Variants in FBF1 observed in about 807,000 individuals in gnomAD.
FBF1 encodes the protein Fas binding factor 1, also known as fas-binding factor 1.
A neutral mutation model predicts 147.2 loss-of-function variants in FBF1; 119 were observed. The observed-to-expected ratio is 0.81, with a 90% CI of 0.70 to 0.94. The LOEUF (loss-of-function observed/expected upper bound fraction) is 0.94, where lower values mean the gene tolerates loss of function less well. Among genes scored for constraint, FBF1 ranks in the 40% least tolerant of loss-of-function variants. The pLI is 0.00. For synonymous variants in FBF1, 601 were observed against 609.0 expected (o/e 0.99, Z 0.19); for missense variants, 1,449 against 1,500.8 (o/e 0.97, Z 0.57).
chr17:75,921,765 T>A (rs892456709), intron 15 of FBF1, among the ~76,000 whole-genome samples, 180 bp downstream of exon 15: 1 of 45,994 alleles, frequency 2.2e-5, no homozygotes. Context: ...GACACGGGGA[T>A]GGGGCAGGGT....
chr17:75,934,248 T>C (rs1193567688), intron 4 of FBF1, among the ~76,000 whole-genome samples: 1 of 152,176 alleles, frequency 6.6e-6, no homozygotes, highest in African/African-American at 2.4e-5. Context: ...GTGGATAAAC[T>C]TGGAAAATAT....
At chr17:75,917,066 C>A (rs978003794) in intron 23 of FBF1, among the ~76,000 whole-genome samples, 2 of 152,144 alleles carry the variant, frequency 1.3e-5, no homozygotes, top group Non-Finnish European at 2.9e-5. Flanking sequence ...AGGCTGGTCT[C>A]GAACTCCTGA....
Position 75,933,050 on chromosome 17 carries a change from T to TA in FBF1, c.111dup (p.Thr38TyrfsTer24), listed in dbSNP as rs765999038. 2.2e-5 allele frequency: 35 copies of TA among 1,608,022 alleles called. No individual in the cohort carries two copies. Among genetic ancestry groups the TA allele is most frequent in the Non-Finnish European group, 2.9e-5 (34 of 1,175,130 alleles). ...TGAGATACACCTGTGGTGTCTCTGG[T>TA]ATGTGAAGCTAGTTTAACAGGCTTC... On this transcript the variant is annotated frameshift_variant, in exon 5 of 30. Coordinates refer to ENST00000636174, the MANE Select transcript of FBF1 (RefSeq NM_001319193.2). LOFTEE classifies it high-confidence loss of function.
At chr17:75,935,124 C>G (rs571657555) in intron 4 of FBF1, among the ~76,000 whole-genome samples, 1 of 151,740 alleles carries the variant, frequency 6.6e-6, no homozygotes, top group Non-Finnish European at 1.5e-5. Flanking sequence ...CTGAGTTGTA[C>G]ACTTTACAGG....
intron 7 of FBF1, 52 bp downstream of exon 7, chr17:75,929,945 A>AGGGGGGGGC: frequency 4.6e-6 from 3 of 650,912 alleles, no homozygotes; most frequent in Non-Finnish European, 5.6e-6. Flanking sequence ...AAATATCATG[A>AGGGGGGGGC]CCCCACCCCA....
chr17:75,928,036 G>A lies in FBF1; in HGVS notation c.397+40C>T, dbSNP rs1224792992. On this transcript the variant is annotated intron_variant, in intron 8 of 29. Transcript: ENST00000636174. The surrounding 1 kb of genome is among the most constrained non-coding windows in gnomAD (Gnocchi z 4.2). ...AAAGTCTCCCTAGCAGATGCGAGGA[G>A]CCGTCTCCCATGCACCTTTCTCACT... The A allele has an allele frequency of 1.3e-6, 2 of 1,524,506 alleles. No homozygotes were observed. Among genetic ancestry groups the A allele is most frequent in the Admixed American group, 1.7e-5 (1 of 57,202 alleles). 94.4% of individuals were successfully genotyped at this position (1,524,506 alleles called of 1,614,324 possible). A position where few individuals can be genotyped will look rare whatever the true frequency, so the allele number is the denominator to read the frequency against.
chr17:75,917,154 A>T (rs2065493722), intron 23 of FBF1, among the ~76,000 whole-genome samples: 1 of 152,180 alleles, frequency 6.6e-6, no homozygotes, highest in African/African-American at 2.4e-5. Context: ...GCATAAAAAA[A>T]TTTATTTATG....
chr17:75,910,055 G>T lies in FBF1; in HGVS notation c.*668C>A. 1.6e-6 allele frequency: 1 copy of T among 635,026 alleles called. No homozygotes were observed. Among genetic ancestry groups the T allele is most frequent in the Non-Finnish European group, 2.9e-6 (1 of 342,538 alleles). 39.3% of individuals were successfully genotyped at this position (635,026 alleles called of 1,614,324 possible). On this transcript the variant is annotated 3_prime_UTR_variant, in exon 30 of 30. Coordinates refer to ENST00000636174, the MANE Select transcript of FBF1 (RefSeq NM_001319193.2). The surrounding 1 kb of genome is among the most constrained non-coding windows in gnomAD (Gnocchi z 4.1). Reference sequence around the variant, plus strand: ...CGCCACAGCTCCCTCCGCCGCCGGTGGGGCACCCAGATGGGGAGGAAGCTG... The same window carrying T: ...CGCCACAGCTCCCTCCGCCGCCGGTTGGGCACCCAGATGGGGAGGAAGCTG...
rs901791217 is a variant in FBF1, at chr17:75,932,966, A to G, written c.167+29T>C. On this transcript the variant is annotated intron_variant, in intron 5 of 29. Coordinates refer to ENST00000636174, the MANE Select transcript of FBF1 (RefSeq NM_001319193.2). ...GAGAGCATTTAGACTGAAGTAGGTC[A>G]TGGATACCCAGTCGGACCCTGCCCT... The G allele has an allele frequency of 4.6e-6, 7 of 1,532,068 alleles. No individual in the cohort carries two copies. The African/African-American group carries it at 8.2e-5, about 18-fold the overall frequency. The allele number at this position is 1,532,068 out of a possible 1,614,324, so 94.9% of individuals were successfully genotyped here. A position where few individuals can be genotyped will look rare whatever the true frequency, so the allele number is the denominator to read the frequency against.
intron 7 of FBF1, among the ~76,000 whole-genome samples, chr17:75,929,697 C>T (rs2065582704): frequency 6.6e-6 from 1 of 152,068 alleles, no homozygotes; most frequent in African/African-American, 2.4e-5. Flanking sequence ...GAGTCTCCCC[C>T]TCTGTCTTCT....
chr17:75,930,896 G>A (rs1273059327), intron 6 of FBF1, among the ~76,000 whole-genome samples: 1 of 152,064 alleles, frequency 6.6e-6, no homozygotes, highest in Non-Finnish European at 1.5e-5. Context: ...ATTCCAGCCT[G>A]GGCGACAGAG....
chr17:75,928,218 G>A lies in FBF1; in HGVS notation c.280-25C>T, dbSNP rs376442127. On this transcript the variant is annotated intron_variant, in intron 7 of 29. Transcript: ENST00000636174. This position sits in a 1 kb window ranked among gnomAD's most constrained non-coding sequence, Gnocchi z 4.2. Reference sequence around the variant, plus strand: ...CCTAGAAAACCAGGGAGGGAGGGCAGAGGACTATGTCTGATAAGGGGCTGA... The same window carrying A: ...CCTAGAAAACCAGGGAGGGAGGGCAAAGGACTATGTCTGATAAGGGGCTGA... 2 of 1,599,220 alleles carry A rather than the reference G, an allele frequency of 1.3e-6. No individual in the cohort carries two copies. Among genetic ancestry groups the A allele is most frequent in the Non-Finnish European group, 1.7e-6 (2 of 1,166,622 alleles).
chr17:75,928,167 G>C lies in FBF1; in HGVS notation c.306C>G (p.Ile102Met). 1.2e-6 allele frequency: 2 copies of C among 1,613,904 alleles called. No homozygotes were observed. The highest frequency in any genetic ancestry group is 2.7e-5 in the African/African-American group (2 of 75,028). ...CTGAATTAGATTTCTTCAGACCTAA[G>C]ATATCAGCATCCATGCCGTCCAGGT... ...MKDLDGMDADILGLKKSNSAP... is the reference protein window; with the variant it reads ...MKDLDGMDADMLGLKKSNSAP... The change falls in exon 8 of 30, where the codon ATC becomes ATG. Residue 102 changes from isoleucine (I) to methionine (M), a missense_variant. Transcript: ENST00000636174. This position sits in a 1 kb window ranked among gnomAD's most constrained non-coding sequence, Gnocchi z 4.2.
intron 7 of FBF1, among the ~76,000 whole-genome samples, chr17:75,929,351 A>C (rs1336382119): frequency 6.6e-6 from 1 of 152,112 alleles, no homozygotes; most frequent in African/African-American, 2.4e-5. Context: ...CCCAAAAAAC[A>C]AAAATACACA....
At chr17:75,915,926 T>G (rs1398694323) in intron 23 of FBF1, among the ~76,000 whole-genome samples, 1 of 147,790 alleles carries the variant, frequency 6.8e-6, no homozygotes, top group Non-Finnish European at 1.5e-5. Flanking sequence ...GAGAATCCCT[T>G]GAACCCAGGA....
At chr17:75,931,893 T>C (rs1463295236) in intron 5 of FBF1, among the ~76,000 whole-genome samples, 1 of 152,200 alleles carries the variant, frequency 6.6e-6, no homozygotes, top group Non-Finnish European at 1.5e-5. Context: ...TATTCATTCT[T>C]ATCTTAGAAG....
rs2144178431 is a variant in FBF1, at chr17:75,925,901, C to T, written c.868+129G>A. 7.7e-7 allele frequency: 1 copy of T among 1,297,196 alleles called. No homozygotes were observed. The highest frequency in any genetic ancestry group is 2.6e-5 in the East Asian group (1 of 38,576). 80.4% of individuals were successfully genotyped at this position (1,297,196 alleles called of 1,614,324 possible). A position where few individuals can be genotyped will look rare whatever the true frequency, so the allele number is the denominator to read the frequency against. ...TTTCACGGTAAGTATTATTTTGTCT[C>T]AGCTATAGACGTGTATAATCACATG... On this transcript the variant is annotated intron_variant, in intron 12 of 29. Coordinates refer to ENST00000636174, the MANE Select transcript of FBF1 (RefSeq NM_001319193.2). This position sits in a 1 kb window ranked among gnomAD's most constrained non-coding sequence, Gnocchi z 5.0.
In FBF1 at chr17:75,933,181, C is replaced by G. The variant is rs2065604779; in HGVS notation, c.74-93G>C. On this transcript the variant is annotated intron_variant, in intron 4 of 29. Coordinates refer to ENST00000636174, the MANE Select transcript of FBF1 (RefSeq NM_001319193.2). Reference sequence around the variant, plus strand: ...GGCAAGCTCCCTTCCCAAGCTGTCTCTGTATTAGGAGGAAGAAATCTGGCC... The same window carrying G: ...GGCAAGCTCCCTTCCCAAGCTGTCTGTGTATTAGGAGGAAGAAATCTGGCC... 3 of 987,880 alleles carry G rather than the reference C, an allele frequency of 3.0e-6. No homozygotes were observed. The Admixed American group carries it at 6.4e-5, about 21-fold the overall frequency. The allele number at this position is 987,880 out of a possible 1,614,324, so 61.2% of individuals were successfully genotyped here.
rs2065542748 is a variant in FBF1, at chr17:75,923,625, T to C, written c.985A>G (p.Ser329Gly). 7 of 1,605,668 alleles carry C rather than the reference T, an allele frequency of 4.4e-6. No individual in the cohort carries two copies. In the East Asian group the frequency reaches 1.6e-4, roughly 36 times the overall value. The change falls in exon 14 of 30, where the codon AGT becomes GGT. Residue 329 changes from serine to glycine, a missense_variant. Coordinates refer to ENST00000636174, the MANE Select transcript of FBF1 (RefSeq NM_001319193.2). This position sits in a 1 kb window ranked among gnomAD's most constrained non-coding sequence, Gnocchi z 4.1. ...GGTTCTCCCTTGGGGTCTGCGCCAC[T>C]GTCTGCGAAGAACCTACTTCAAGAC... is the stretch of plus-strand genomic sequence containing the variant. ...RQSVSRFFADSGADPKGEPGS... is the reference protein window; with the variant it reads ...RQSVSRFFADGGADPKGEPGS...
Sources: gnomAD v4.1 joint callset for allele counts (sites outside exome capture counted in the v4.1 genomes callset) on GRCh38, gnomAD v4.1.1 for gene constraint, Gnocchi (gnomAD v3.1) non-coding constraint, MANE v1.5 for transcripts, NCBI Gene and HGNC (gene_info 2026-07-23, HGNC 2026-07-21) for gene names.